Variants in BEND7 observed in about 807,000 individuals in gnomAD.
BEND7 encodes the protein BEN domain-containing protein 7.
A neutral mutation model predicts 50.9 loss-of-function variants in BEND7; 28 were observed. That is an observed-to-expected ratio of 0.55 (90% CI 0.41 to 0.75). BEND7 has a LOEUF of 0.75. BEND7 is among the 30% of genes least tolerant of loss of function. BEND7 has a pLI of 0.00. For synonymous variants in BEND7, 170 were observed against 183.9 expected, an observed-to-expected ratio of 0.92 and a Z score of 0.61; for missense variants, 477 against 491.3, an observed-to-expected ratio of 0.97 and a Z score of 0.28.
At chr10:13,450,364 C>T (rs1837400307) in intron 7 of BEND7, among the ~76,000 whole-genome samples, 1 of 152,150 alleles carries the variant, frequency 6.6e-6, no homozygotes. Context: ...AGACAAAAAG[C>T]ATGAGAGCAG....
At chr10:13,452,175 A>T (rs762218992) in intron 7 of BEND7, among the ~76,000 whole-genome samples, 17 of 152,192 alleles carry the variant, frequency 1.1e-4, no homozygotes, top group Non-Finnish European at 1.8e-4. Context: ...AACCTTAAGC[A>T]ACTTGTACTT....
chr10:13,487,145 T>C (rs531838912), intron 5 of BEND7, among the ~76,000 whole-genome samples: 16 of 152,366 alleles, frequency 1.1e-4, no homozygotes, highest in African/African-American at 3.6e-4. Flanking sequence ...CTATTTACTA[T>C]ATTCCATGCC....
At chr10:13,460,578 T>C (rs1840005328) in intron 6 of BEND7, among the ~76,000 whole-genome samples, 1 of 152,348 alleles carries the variant, frequency 6.6e-6, no homozygotes, top group African/African-American at 2.4e-5. Flanking sequence ...CAATGGCATA[T>C]GACCCCCGTG....
intron 7 of BEND7, among the ~76,000 whole-genome samples, chr10:13,449,843 G>C (rs977369041): frequency 9.9e-5 from 15 of 152,216 alleles, no homozygotes; most frequent in African/African-American, 3.4e-4. Context: ...TAGGGGCTGA[G>C]AGTCAAGGAG....
At chr10:13,461,732 TA>T (rs58348419) in intron 6 of BEND7, among the ~76,000 whole-genome samples, 27 of 147,248 alleles carry the variant, frequency 1.8e-4, no homozygotes, top group South Asian at 2.2e-4. Flanking sequence ...GACTCCATCT[TA>T]AAAAAAAAAA....
chr10:13,499,565 T>G (rs965028175), intron 3 of BEND7, among the ~76,000 whole-genome samples: 3 of 152,210 alleles, frequency 2.0e-5, no homozygotes, highest in African/African-American at 7.2e-5. Context: ...TCTTCACTTA[T>G]AACATAGAAC....
Position 13,499,633 on chromosome 10 carries a change from G to A in BEND7, c.448+145C>T, listed in dbSNP as rs2077292120. ...TTAATAGTCTTCAACTCTTTCCTTT[G>A]TGTCTCCCTGTCTTTTAAAGTAACT... On this transcript the variant is annotated intron_variant, in intron 3 of 8. Transcript: ENST00000466271. 4.1e-6 allele frequency: 4 copies of A among 973,356 alleles called. No individual in the cohort carries two copies. The Admixed American group carries it at 1.1e-4, about 26-fold the overall frequency. 60.3% of individuals were successfully genotyped at this position (973,356 alleles called of 1,614,324 possible).
chr10:13,516,839 A>C (rs1046605453), intron 2 of BEND7, among the ~76,000 whole-genome samples: 1 of 152,252 alleles, frequency 6.6e-6, no homozygotes, highest in African/African-American at 2.4e-5. Flanking sequence ...GGATACATAC[A>C]GGCTTTGAAG....
intron 5 of BEND7, among the ~76,000 whole-genome samples, chr10:13,487,213 GCTA>G (rs2076282283): frequency 1.3e-5 from 2 of 151,972 alleles, no homozygotes; most frequent in African/African-American, 4.8e-5. Context: ...CTATGAAATG[GCTA>G]CTATTATTAT....
At chr10:13,464,107 T>C (rs145868591) in intron 6 of BEND7, among the ~76,000 whole-genome samples, 382 of 152,356 alleles carry the variant, frequency 2.5e-3, no homozygotes, top group African/African-American at 8.4e-3. Context: ...TGAGAGCCAC[T>C]TGATAATGCC....
At chr10:13,443,860 C>A (rs1426124790) in intron 8 of BEND7, 1 of 151,992 alleles carries the variant, frequency 6.6e-6, no homozygotes, top group Non-Finnish European at 1.5e-5. Context: ...AATGGAGAAA[C>A]ATTTGAGAAA....
intron 6 of BEND7, chr10:13,459,433 A>C (rs1187419090): frequency 6.6e-6 from 1 of 152,228 alleles, no homozygotes; most frequent in African/African-American, 2.4e-5. Context: ...GTCATTCTCC[A>C]TTTTCAAGGA....
In BEND7 at chr10:13,528,635, G is replaced by T; in HGVS notation, c.-102C>A. On this transcript the variant is annotated 5_prime_UTR_variant, in exon 1 of 9. Transcript: ENST00000466271. ...CGGCGCGGGCTCGTGTCACCGCGGC[G>T]GAGCCGCCGGGACCAAGGTCCGCGC... 1 of 543,442 alleles carries T rather than the reference G, an allele frequency of 1.8e-6. No individual in the cohort carries two copies. The highest frequency in any genetic ancestry group is 2.3e-6 in the Non-Finnish European group (1 of 429,696). The allele number at this position is 543,442 out of a possible 1,614,324, so 33.7% of individuals were successfully genotyped here. A position where few individuals can be genotyped will look rare whatever the true frequency, so the allele number is the denominator to read the frequency against.
At chr10:13,511,177 C>T (rs1456062663) in intron 2 of BEND7, 1 of 152,094 alleles carries the variant, frequency 6.6e-6, no homozygotes, top group Admixed American at 6.6e-5. Context: ...GAGACTCTGT[C>T]TCAAAAAAAA....
chr10:13,443,476 T>C (rs1835656819), intron 8 of BEND7: 1 of 152,668 alleles, frequency 6.6e-6, no homozygotes, highest in Admixed American at 6.5e-5. Flanking sequence ...TTCTGTGACA[T>C]GGCTGGAGGT....
rs139633908 is a variant in BEND7, at chr10:13,446,873, G to A, written c.1234+393C>T. ...ATTGACTGCTCAAGGCTCCAAGGCC[G>A]TTTGGAGGAGGTGGGAGAGGACAGC... On this transcript the variant is annotated intron_variant, in intron 8 of 8. Coordinates refer to ENST00000466271, the MANE Select transcript of BEND7 (RefSeq NM_001369863.1). 4.7e-4 allele frequency: 125 copies of A among 266,544 alleles called. 4 individuals are homozygous for A. The East Asian group carries it at 0.011, about 24-fold the overall frequency. 16.5% of individuals were successfully genotyped at this position (266,544 alleles called of 1,614,324 possible).
At chr10:13,467,514 T>G (rs2074375555) in intron 6 of BEND7, among the ~76,000 whole-genome samples, 1 of 152,238 alleles carries the variant, frequency 6.6e-6, no homozygotes, top group African/African-American at 2.4e-5. Flanking sequence ...TTAACAATGA[T>G]CAATGCTTTC....
At chr10:13,527,588 C>T (rs780313754) in intron 1 of BEND7, among the ~76,000 whole-genome samples, 1 of 152,208 alleles carries the variant, frequency 6.6e-6, no homozygotes, top group Non-Finnish European at 1.5e-5. Flanking sequence ...GATTAAAAGA[C>T]GACATTTAAA....
rs1835254410 is a variant in BEND7 at position 13,441,092 on chromosome 10, A to T, written c.*651T>A. 9 of 985,320 alleles carry T rather than the reference A, an allele frequency of 9.1e-6. No homozygotes were observed. The highest frequency in any genetic ancestry group is 1.1e-5 in the Non-Finnish European group (9 of 829,798). 61.0% of individuals were successfully genotyped at this position (985,320 alleles called of 1,614,324 possible). On this transcript the variant is annotated 3_prime_UTR_variant, in exon 9 of 9. Transcript: ENST00000466271. ...CAGGCAAGATCCGCACGCACGTTCA[A>T]TTAAAGTAATTTATTGTATTCTTCC...
Sources: allele counts gnomAD v4.1 joint callset (sites outside exome capture counted in the v4.1 genomes callset), GRCh38; gene constraint gnomAD v4.1.1; transcripts MANE v1.5; gene names NCBI Gene and HGNC (gene_info 2026-07-23, HGNC 2026-07-21).